Variants in MAP2 observed in about 807,000 individuals in gnomAD.
The protein encoded by MAP2 is microtubule-associated protein 2.
A neutral mutation model predicts 137.6 loss-of-function variants in MAP2; 14 were observed. The ratio of observed to expected loss-of-function variants is 0.10; its 90% confidence interval spans 0.07 to 0.16. The LOEUF is 0.16. MAP2 is among the 10% of genes least tolerant of loss of function. MAP2 has a pLI of 1.00. For missense variants in MAP2, 2,088 were observed against 2,191.5 expected (o/e 0.95, Z 0.94); for synonymous variants, 786 against 782.3 (o/e 1.00, Z -0.08).
chr2:209,669,610 C>T (rs1164050253), intron 5 of MAP2, among the ~76,000 whole-genome samples: 2 of 152,016 alleles, frequency 1.3e-5, no homozygotes, highest in Non-Finnish European at 2.9e-5. Flanking sequence ...TATCCTGTCT[C>T]AGGCCAGCAT....
chr2:209,575,033 TAA>T (rs1233421256), intron 2 of MAP2, among the ~76,000 whole-genome samples: 1 of 152,164 alleles, frequency 6.6e-6, no homozygotes, highest in Non-Finnish European at 1.5e-5. Context: ...TTTAAAAATC[TAA>T]AAATTATAAT....
intron 3 of MAP2, among the ~76,000 whole-genome samples, chr2:209,584,475 T>G (rs2153413360): frequency 6.6e-6 from 1 of 152,282 alleles, no homozygotes; most frequent in African/African-American, 2.4e-5. Context: ...ATTATAAAAT[T>G]AGAAAATTTC....
intron 12 of MAP2, among the ~76,000 whole-genome samples, chr2:209,705,970 C>A (rs1428912268): frequency 6.6e-6 from 1 of 152,024 alleles, no homozygotes; most frequent in East Asian, 1.9e-4. Flanking sequence ...AAAGTTATTT[C>A]TCTAAGAATA....
intron 1 of MAP2, among the ~76,000 whole-genome samples, chr2:209,446,806 C>T (rs1417922360): frequency 1.3e-5 from 2 of 148,532 alleles, no homozygotes; most frequent in Non-Finnish European, 3.0e-5. Context: ...AAGAATCCTA[C>T]TGCTGTGTTT....
In MAP2 at chr2:209,693,273, T is replaced by C. The variant is rs2059412652; in HGVS notation, c.1103T>C (p.Ile368Thr). Reference protein sequence around the residue: ...GPATAKDSFKIEEPHEAKPDK... With the variant: ...GPATAKDSFKTEEPHEAKPDK... ...GCTACTGCCAAAGATAGTTTTAAAA[T>C]TGAAGAGCCCCATGAGGCTAAACCT... The change falls in exon 8 of 16, where the codon ATT (isoleucine) becomes ACT (threonine). Residue 368 changes from isoleucine to threonine, a missense_variant. Physicochemically the swap from Ile to Thr is moderately conservative, Grantham distance 89. This residue lies in a region of MAP2 where 859 missense variants were observed against 794.5 expected (regional missense o/e 1.08). Coordinates refer to ENST00000682079, the MANE Select transcript of MAP2 (RefSeq NM_001375505.1). 1 of 1,613,950 alleles carries C rather than the reference T, an allele frequency of 6.2e-7. No individual in the cohort carries two copies. The highest frequency in any genetic ancestry group is 1.1e-5 in the South Asian group (1 of 91,066).
chr2:209,593,906 G>GTAGATATT (rs1553608753), intron 3 of MAP2, among the ~76,000 whole-genome samples: 3 of 117,280 alleles, frequency 2.6e-5, no homozygotes. Context: ...AAATATATAA[G>GTAGATATT]TATATATTTA....
intron 3 of MAP2, among the ~76,000 whole-genome samples, chr2:209,584,830 G>C (rs2077303438): frequency 6.6e-6 from 1 of 152,104 alleles, no homozygotes; most frequent in Non-Finnish European, 1.5e-5. Flanking sequence ...TGATTGGTAG[G>C]AGGAATGAAC....
At chr2:209,555,388 TA>T (rs1182343550) in intron 2 of MAP2, among the ~76,000 whole-genome samples, 2 of 152,170 alleles carry the variant, frequency 1.3e-5, no homozygotes, top group African/African-American at 4.8e-5. Context: ...GAATCTGCTA[TA>T]GGGGAAGCTG....
At chr2:209,444,503 G>C (rs1039995349) in intron 1 of MAP2, among the ~76,000 whole-genome samples, 2 of 151,500 alleles carry the variant, frequency 1.3e-5, no homozygotes, top group Admixed American at 6.6e-5. Flanking sequence ...TTTATGGGGA[G>C]GAAGCCTATT....
chr2:209,649,069 C>G (rs2094603545), intron 4 of MAP2, among the ~76,000 whole-genome samples: 1 of 152,088 alleles, frequency 6.6e-6, no homozygotes, highest in Admixed American at 6.5e-5. Flanking sequence ...GAGTCTTTCT[C>G]TGTCACCCAG....
At chr2:209,559,479 C>CAAAAAAAAAA (rs59788211) in intron 2 of MAP2, among the ~76,000 whole-genome samples, 35 of 37,500 alleles carry the variant, frequency 9.3e-4, no homozygotes, top group East Asian at 1.8e-3. Context: ...GCCAAAAATA[C>CAAAAAAAAAA]AAAAAAAAAA....
chr2:209,669,990 A>C (rs1005793792), intron 5 of MAP2, among the ~76,000 whole-genome samples: 1 of 152,048 alleles, frequency 6.6e-6, no homozygotes, highest in Non-Finnish European at 1.5e-5. Flanking sequence ...TAATGAAGAG[A>C]ATATAATCCA....
At chr2:209,442,943 A>G (rs1429996128) in intron 1 of MAP2, among the ~76,000 whole-genome samples, 5 of 151,558 alleles carry the variant, frequency 3.3e-5, no homozygotes, top group African/African-American at 1.2e-4. Context: ...GAAATATAGC[A>G]TTTGATTTCC....
At chr2:209,665,641 A>T (rs2045980215) in intron 5 of MAP2, among the ~76,000 whole-genome samples, 2 of 152,178 alleles carry the variant, frequency 1.3e-5, no homozygotes, top group Non-Finnish European at 2.9e-5. Context: ...TGAAGACCAA[A>T]TGTCACCAAT....
intron 2 of MAP2, among the ~76,000 whole-genome samples, chr2:209,550,245 C>T (rs962757503): frequency 1.3e-5 from 2 of 152,102 alleles, no homozygotes; most frequent in African/African-American, 4.8e-5. Flanking sequence ...CATCAAACCA[C>T]ACTCAAAACA....
intron 3 of MAP2, among the ~76,000 whole-genome samples, chr2:209,610,273 G>A (rs1365378326): frequency 6.6e-6 from 1 of 152,062 alleles, no homozygotes; most frequent in Non-Finnish European, 1.5e-5. Flanking sequence ...GGTAACAGGA[G>A]AGGAGAGGGT....
intron 10 of MAP2, among the ~76,000 whole-genome samples, chr2:209,699,119 A>C (rs972063621): frequency 1.3e-5 from 2 of 152,172 alleles, no homozygotes; most frequent in African/African-American, 4.8e-5. Context: ...ATTGGTTTGA[A>C]GCAAGCTATA....
chr2:209,434,843 A>ATATATGTTATATATATATGT (rs1695337841), intron 1 of MAP2, among the ~76,000 whole-genome samples: 1 of 117,714 alleles, frequency 8.5e-6, no homozygotes, highest in Non-Finnish European at 1.7e-5. Flanking sequence ...CTATATATAT[A>ATATATGTTATATATATATGT]TATATGTTAT....
chr2:209,632,943 T>G (rs2093230355), intron 4 of MAP2, among the ~76,000 whole-genome samples: 1 of 152,126 alleles, frequency 6.6e-6, no homozygotes, highest in African/African-American at 2.4e-5. Flanking sequence ...CACTGTGTAA[T>G]TTTCAGTGTA....
Sources: allele counts gnomAD v4.1 joint callset (sites outside exome capture counted in the v4.1 genomes callset), GRCh38; gene constraint gnomAD v4.1.1; regional missense constraint gnomAD v4.1.1; transcripts MANE v1.5; gene names NCBI Gene and HGNC (gene_info 2026-07-23, HGNC 2026-07-21).